Variants in PDXDC1 observed in about 807,000 individuals in gnomAD.
PDXDC1 encodes the protein pyridoxal dependent decarboxylase domain containing 1, also known as pyridoxal-dependent decarboxylase domain-containing protein 1.
PDXDC1 carries 42 observed loss-of-function variants against 100.1 expected under a neutral mutation model. The observed-to-expected ratio is 0.42, with a 90% confidence interval of 0.33 to 0.54. PDXDC1 has a LOEUF of 0.54. Among genes scored for constraint, PDXDC1 ranks in the 20% least tolerant of loss-of-function variants. The pLI is 0.10. For missense variants in PDXDC1, 636 were observed against 979.2 expected (o/e 0.65, Z 4.68); for synonymous variants, 260 against 371.7 (o/e 0.70, Z 3.46).
intron 16 of PDXDC1, among the ~76,000 whole-genome samples, chr16:15,049,064 T>G (rs1001969682): frequency 2.1e-5 from 3 of 145,808 alleles, no homozygotes; most frequent in Non-Finnish European, 4.5e-5. Context: ...TGGCTGAGTT[T>G]TATACTTTTT....
rs1567747768 is a variant in PDXDC1, at chr16:15,037,838, A to G, written c.*1563A>G. On this transcript the variant is annotated 3_prime_UTR_variant, in exon 23 of 23. Transcript: ENST00000396410. ...CATCAATTTTTTAGTAAACCAAAAA[A>G]TAAGTCTCAACAAATGCCTTTGCCA... The G allele has an allele frequency of 6.1e-6, 3 of 493,144 alleles. No individual in the cohort carries two copies. The highest frequency in any genetic ancestry group is 3.2e-5 in the East Asian group (1 of 31,740). The allele number at this position is 493,144 out of a possible 1,614,324, so 30.5% of individuals were successfully genotyped here.
At position 14,990,320 on chromosome 16, in the gene PDXDC1, CCTT is replaced by C. The variant is rs1176120918; in HGVS notation, c.22-7430_22-7428del. On this transcript the variant is annotated intron_variant, in intron 1 of 22. Coordinates refer to ENST00000396410, the MANE Select transcript of PDXDC1 (RefSeq NM_015027.4). The stretch of plus-strand genomic sequence containing the variant: ...GCAGCCGCCATCGCTGCTTCCTCCT[CCTT>C]CTCCTACAATTTAATTCTTCATTTA... Among the ~76,000 whole-genome samples, 12 of 152,356 alleles carry C rather than the reference CCTT, an allele frequency of 7.9e-5. No individual in the cohort carries two copies. The East Asian group carries it at 1.9e-3, about 24-fold the overall frequency.
chr16:15,055,499 A>G (rs1372544084), intron 16 of PDXDC1, among the ~76,000 whole-genome samples: 2 of 152,234 alleles, frequency 1.3e-5, no homozygotes, highest in Non-Finnish European at 2.9e-5. Flanking sequence ...AGGACGAAGC[A>G]ACGTTCACCG....
rs2045473368 is a variant in PDXDC1 at position 15,076,747 on chromosome 16, G to A, written c.1399+46691G>A. ...TTCATCTGATATACGCATGTTCAAG[G>A]TGTCCAGATTAGTGCCTTATATCAC... On this transcript the variant is annotated intron_variant, in intron 16 of 16. Coordinates refer to the PDXDC1 transcript ENST00000535621. The A allele has an allele frequency of 4.8e-6, 4 of 837,136 alleles. No homozygotes were observed. The African/African-American group carries it at 6.8e-5, about 14-fold the overall frequency. The allele number at this position is 837,136 out of a possible 1,614,324, so 51.9% of individuals were successfully genotyped here.
chr16:14,990,283 G>T (rs1212317240), intron 1 of PDXDC1: 3 of 269,692 alleles, frequency 1.1e-5, no homozygotes, highest in Non-Finnish European at 1.7e-5. Flanking sequence ...GGCCCCCGCC[G>T]CAACCGCCGC....
rs2043462231 is a variant in PDXDC1, at chr16:15,036,491, TACG to T, written c.*219_*221del. On this transcript the variant is annotated 3_prime_UTR_variant, in exon 23 of 23. Coordinates refer to ENST00000396410, the MANE Select transcript of PDXDC1 (RefSeq NM_015027.4). Reference sequence around the variant, plus strand: ...TGTAGAACCACGTTTGCTGTCCTACTACGACTTTTCCCTAAGTTACCATAAACA... The same window carrying T: ...TGTAGAACCACGTTTGCTGTCCTACTACTTTTCCCTAAGTTACCATAAACA... The T allele has an allele frequency of 1.8e-5, 10 of 558,412 alleles. No individual in the cohort carries two copies. The highest frequency in any genetic ancestry group is 2.8e-5 in the Non-Finnish European group (9 of 317,684). The allele number at this position is 558,412 out of a possible 1,614,324, so 34.6% of individuals were successfully genotyped here.
Position 14,997,761 on chromosome 16 carries a change from C to T in PDXDC1, c.30C>T (p.Asp10=), listed in dbSNP as rs149897549. 594 of 1,609,128 alleles carry T rather than the reference C, an allele frequency of 3.7e-4. No individual in the cohort carries two copies. In the African/African-American group the frequency reaches 4.3e-3, roughly 12 times the overall value. ...TTTTTTTTGTTTCCCAGATAGCAGACCCCACGTTAGCTGAAATGGGAAAAA... is the reference window on the plus strand; with the variant it reads ...TTTTTTTTGTTTCCCAGATAGCAGATCCCACGTTAGCTGAAATGGGAAAAA... MDASLEKIA[D]PTLAEMGKNL... is the part of the protein sequence containing the mutation. Residue 10 remains aspartate (D), a synonymous_variant, in exon 2 of 23, where the codon GAC becomes GAT. Transcript: ENST00000396410.
At chr16:15,131,192 A>G (rs199728651) in intron 16 of PDXDC1, 1 of 1,588,628 alleles carries the variant, frequency 6.3e-7, no homozygotes, top group African/African-American at 1.3e-5. Context: ...ACCACAACGG[A>G]GTTGGCAGAG....
At chr16:15,122,706 G>A (rs1172353547) in intron 16 of PDXDC1, among the ~76,000 whole-genome samples, 2 of 150,168 alleles carry the variant, frequency 1.3e-5, no homozygotes, top group East Asian at 2.0e-4. Context: ...AGCAGCCACC[G>A]CACCCGCATG....
intron 16 of PDXDC1, chr16:15,092,666 A>T (rs1174251143): frequency 8.6e-7 from 1 of 1,156,354 alleles, no homozygotes; most frequent in Non-Finnish European, 1.3e-6. Flanking sequence ...AATAAAAATT[A>T]TAATAGCCAA....
downstream of PDXDC1, chr16:15,040,234 C>G (rs1266750493): frequency 2.3e-6 from 1 of 440,010 alleles, no homozygotes; most frequent in East Asian, 3.5e-5. Flanking sequence ...GCAACCTTTA[C>G]CCCAAGCATC....
chr16:15,003,453 T>G (rs1424070401), intron 4 of PDXDC1, among the ~76,000 whole-genome samples: 2 of 152,196 alleles, frequency 1.3e-5, no homozygotes, highest in Admixed American at 6.5e-5. Context: ...CCTGACCTCG[T>G]GATCCGCCCG....
intron 16 of PDXDC1, chr16:15,130,307 G>A: frequency 4.5e-6 from 7 of 1,541,690 alleles, no homozygotes; most frequent in Non-Finnish European, 4.4e-6. Context: ...TCTCCTCCAG[G>A]GGCAGCAGCC....
chr16:15,137,259 C>A (rs1459757494), intron 16 of PDXDC1: 18 of 805,968 alleles, frequency 2.2e-5, no homozygotes, highest in Non-Finnish European at 3.6e-5. Flanking sequence ...CCTGGGGAGG[C>A]AGGGAAGACG....
downstream of PDXDC1, among the ~76,000 whole-genome samples, chr16:15,143,988 C>T (rs1163812857): frequency 6.6e-6 from 1 of 152,160 alleles, no homozygotes; most frequent in Non-Finnish European, 1.5e-5. Flanking sequence ...GGGACCGGCT[C>T]GGAGGGGCCA....
chr16:15,082,273 G>C (rs1388756153), intron 16 of PDXDC1, among the ~76,000 whole-genome samples: 2 of 152,154 alleles, frequency 1.3e-5, no homozygotes, highest in Non-Finnish European at 2.9e-5. Context: ...TCTCGTAAAA[G>C]GATATTGGTG....
intron 16 of PDXDC1, among the ~76,000 whole-genome samples, chr16:15,064,718 G>A (rs775517409): frequency 9.8e-5 from 15 of 152,326 alleles, no homozygotes; most frequent in African/African-American, 2.9e-4. Context: ...GGGTGCCTGC[G>A]CCACTCGGCA....
At chr16:15,106,483 C>T (rs923335586) in intron 16 of PDXDC1, among the ~76,000 whole-genome samples, 5 of 149,542 alleles carry the variant, frequency 3.3e-5, no homozygotes, top group Admixed American at 6.7e-5. Flanking sequence ...GAGCCGGTCA[C>T]GGTGGCTGAT....
At chr16:14,987,205 AC>A (rs1158130880) in intron 1 of PDXDC1, among the ~76,000 whole-genome samples, 1 of 152,306 alleles carries the variant, frequency 6.6e-6, no homozygotes, top group African/African-American at 2.4e-5. Context: ...CCAGGTGAAA[AC>A]ATTAATCAAG....
Sources: allele counts gnomAD v4.1 joint callset (sites outside exome capture counted in the v4.1 genomes callset), GRCh38; gene constraint gnomAD v4.1.1; transcripts MANE v1.5; gene names NCBI Gene and HGNC (gene_info 2026-07-23, HGNC 2026-07-21).